Variants in RASA1 observed in about 807,000 individuals in gnomAD.
RASA1 encodes ras GTPase-activating protein 1.
Under a neutral mutation model 132.2 loss-of-function variants are expected in RASA1, and 25 were observed. The ratio of observed to expected loss-of-function variants is 0.19; its 90% CI spans 0.14 to 0.26. The LOEUF (loss-of-function observed/expected upper bound fraction) is 0.26. RASA1 is among the 10% of genes least tolerant of loss of function. The pLI is 1.00. For missense variants in RASA1, 964 were observed against 1,299.2 expected, an observed-to-expected ratio of 0.74 and a Z score of 3.97; for synonymous variants, 477 against 449.9, an observed-to-expected ratio of 1.06 and a Z score of -0.76.
chr5:87,328,791 G>A (rs973483726), intron 1 of RASA1, among the ~76,000 whole-genome samples: 1 of 152,126 alleles, frequency 6.6e-6, no homozygotes. Flanking sequence ...GAGAAATACT[G>A]TTTTTGAGTA....
intron 11 of RASA1, among the ~76,000 whole-genome samples, chr5:87,367,189 A>C (rs1472969999): frequency 6.6e-6 from 1 of 152,234 alleles, no homozygotes; most frequent in African/African-American, 2.4e-5. Context: ...AGTACATTTC[A>C]AGGAAATGAG....
intron 17 of RASA1, 144 bp downstream of exon 17, chr5:87,377,184 A>G: frequency 4.6e-6 from 5 of 1,075,476 alleles, no homozygotes; most frequent in Non-Finnish European, 6.8e-6. Context: ...TAAAAATTGC[A>G]GTTGGATGTC....
At chr5:87,373,992 T>C (rs1761135905) in intron 13 of RASA1, among the ~76,000 whole-genome samples, 171 bp from the exon 14 acceptor site, 1 of 151,866 alleles carries the variant, frequency 6.6e-6, no homozygotes, top group Non-Finnish European at 1.5e-5. Flanking sequence ...AATGTCTGAA[T>C]GTTTTAAGTA....
At chr5:87,310,204 TTG>T (rs1410306749) in intron 1 of RASA1, among the ~76,000 whole-genome samples, 1 of 152,102 alleles carries the variant, frequency 6.6e-6, no homozygotes, top group Admixed American at 6.6e-5. Flanking sequence ...ATTTCTGAAA[TTG>T]TGTTAAAGAT....
At chr5:87,285,318 C>T (rs892048295) in intron 1 of RASA1, among the ~76,000 whole-genome samples, 2 of 151,950 alleles carry the variant, frequency 1.3e-5, no homozygotes, top group Non-Finnish European at 2.9e-5. Flanking sequence ...CCTTCCTCCT[C>T]GGCCTCCCAA....
At chr5:87,327,214 A>G (rs562388420) in intron 1 of RASA1, among the ~76,000 whole-genome samples, 19 of 152,206 alleles carry the variant, frequency 1.2e-4, no homozygotes, top group Non-Finnish European at 2.4e-4. Context: ...CCTTTTATAG[A>G]TGAGGAAACT....
At chr5:87,342,562 A>G (rs949314798) in intron 6 of RASA1, among the ~76,000 whole-genome samples, 10 of 152,174 alleles carry the variant, frequency 6.6e-5, no homozygotes, top group Admixed American at 1.3e-4. Context: ...AGACACAATA[A>G]TCTTGATCTT....
At chr5:87,375,000 A>G in intron 15 of RASA1, 84 bp downstream of exon 15, 2 of 1,491,514 alleles carry the variant, frequency 1.3e-6, no homozygotes, top group Non-Finnish European at 1.8e-6. Context: ...TTAAAATAGA[A>G]ATTAAAAAAA....
Position 87,378,403 on chromosome 5 carries a change from C to T in RASA1, c.2352C>T (p.Ala784=). Residue 784 remains alanine (A), a synonymous_variant, in exon 18 of 25, where the codon GCC becomes GCT. Coordinates refer to ENST00000274376, the MANE Select transcript of RASA1 (RefSeq NM_002890.3). ...ATGTAAATATTTGTGTAGATGAAGC[C>T]ACTACCCTATTTCGAGCCACAACAC... ...NDREISMEDE[A]TTLFRATTLA... The T allele has an allele frequency of 6.2e-7, 1 of 1,612,364 alleles. No individual in the cohort carries two copies. Among genetic ancestry groups the T allele is most frequent in the East Asian group, 2.2e-5 (1 of 44,718 alleles).
intron 9 of RASA1, among the ~76,000 whole-genome samples, chr5:87,357,285 G>A (rs1381678078): frequency 2.0e-5 from 3 of 152,020 alleles, no homozygotes; most frequent in African/African-American, 2.4e-5. Flanking sequence ...ACATGGGTGA[G>A]TGCTTTTTAG....
intron 9 of RASA1, among the ~76,000 whole-genome samples, chr5:87,357,096 C>A (rs1257135293): frequency 6.6e-6 from 1 of 152,138 alleles, no homozygotes; most frequent in African/African-American, 2.4e-5. Context: ...TTCCTATCAC[C>A]ATGTCAGTCT....
intron 1 of RASA1, among the ~76,000 whole-genome samples, chr5:87,273,679 ATTTCT>A (rs1480610514): frequency 6.7e-6 from 1 of 149,342 alleles, no homozygotes; most frequent in African/African-American, 2.5e-5. Flanking sequence ...AAGAATAGAG[ATTTCT>A]TTTCTTTTTC....
chr5:87,304,558 C>T (rs2112291392), intron 1 of RASA1, among the ~76,000 whole-genome samples: 1 of 151,912 alleles, frequency 6.6e-6, no homozygotes, highest in African/African-American at 2.4e-5. Flanking sequence ...ACCTCCGACT[C>T]CTGGGTTCAT....
At chr5:87,389,674 C>G in intron 24 of RASA1, 147 bp downstream of exon 24, 2 of 1,114,804 alleles carry the variant, frequency 1.8e-6, no homozygotes, top group Non-Finnish European at 2.6e-6. Context: ...TCTCAGCAGA[C>G]AGAAATAACG....
intron 1 of RASA1, among the ~76,000 whole-genome samples, chr5:87,322,323 C>T (rs1042547093): frequency 6.6e-6 from 1 of 152,166 alleles, no homozygotes; most frequent in Admixed American, 6.5e-5. Context: ...ATTAGATTTT[C>T]ACAGGAGCGC....
chr5:87,269,127 A>G, intron 1 of RASA1, 137 bp downstream of exon 1: 1 of 1,613,554 alleles, frequency 6.2e-7, no homozygotes, highest in Non-Finnish European at 8.5e-7. Flanking sequence ...TTTCTTGGGT[A>G]GGAATTTAAT....
intron 1 of RASA1, among the ~76,000 whole-genome samples, chr5:87,327,194 CTATTA>C (rs1452019649): frequency 6.6e-6 from 1 of 152,140 alleles, no homozygotes; most frequent in African/African-American, 2.4e-5. Context: ...GAGGTAGACA[CTATTA>C]TATTCCTTTT....
At chr5:87,388,962 C>T (rs1762262762) in intron 23 of RASA1, among the ~76,000 whole-genome samples, 1 of 152,004 alleles carries the variant, frequency 6.6e-6, no homozygotes, top group South Asian at 2.1e-4. Flanking sequence ...TAATATTGTA[C>T]ACATCTGTCA....
chr5:87,353,347 C>T (rs773536924), intron 9 of RASA1, 112 bp downstream of exon 9: 39 of 864,420 alleles, frequency 4.5e-5, no homozygotes, highest in Non-Finnish European at 6.9e-5. Flanking sequence ...CTTAAAACTA[C>T]AGATTATTTA....
Sources: gnomAD v4.1 joint callset for allele counts (sites outside exome capture counted in the v4.1 genomes callset) on GRCh38, gnomAD v4.1.1 for gene constraint, MANE v1.5 for transcripts, NCBI Gene and HGNC (gene_info 2026-07-23, HGNC 2026-07-21) for gene names.